PHACTR1: variants seen among roughly 807,000 people sequenced by gnomAD.
PHACTR1 encodes the protein phosphatase and actin regulator 1.
A neutral mutation model predicts 69.2 loss-of-function variants in PHACTR1; 16 were observed. The observed-to-expected ratio is 0.23, with a 90% CI of 0.16 to 0.35. The LOEUF (loss-of-function observed/expected upper bound fraction) is 0.35, where lower values mean the gene tolerates loss of function less well. Among genes scored for constraint, PHACTR1 ranks in the 10% least tolerant of loss-of-function variants. The pLI, the probability that PHACTR1 is intolerant of heterozygous loss-of-function variation, is 1.00. For missense variants in PHACTR1, 510 were observed against 734.7 expected (o/e 0.69, Z 3.54); for synonymous variants, 312 against 284.5 (o/e 1.10, Z -0.97).
At chr6:13,188,014 A>C (rs151211001) in intron 7 of PHACTR1, among the ~76,000 whole-genome samples, 1 of 152,340 alleles carries the variant, frequency 6.6e-6, no homozygotes, top group Non-Finnish European at 1.5e-5. Context: ...GGTTCTTTAC[A>C]TATGAGAGAC....
rs544099755 is a variant in PHACTR1, at chr6:12,851,908, C to T, written c.250+102118C>T. On this transcript the variant is annotated intron_variant, in intron 4 of 14. Coordinates refer to ENST00000332995, the MANE Select transcript of PHACTR1 (RefSeq NM_030948.6). ...GGAGTGCAGTGGTGTGATTTCAGCT[C>T]ATTGCAACCTCCACCTCCTGGGTTC... Among the ~76,000 whole-genome samples, 7 of 152,216 alleles carry T rather than the reference C, an allele frequency of 4.6e-5. No homozygotes were observed. The South Asian group carries it at 1.4e-3, about 32-fold the overall frequency.
At chr6:13,252,281 T>C (rs1178221596) in intron 10 of PHACTR1, among the ~76,000 whole-genome samples, 1 of 138,272 alleles carries the variant, frequency 7.2e-6, no homozygotes, top group Non-Finnish European at 1.5e-5. Flanking sequence ...TGAATCAAGA[T>C]CGTGCCACTG....
chr6:12,808,766 T>TCTTCTCCTTCTCCTTCTC (rs3036464), intron 4 of PHACTR1, among the ~76,000 whole-genome samples: 1 of 150,714 alleles, frequency 6.6e-6, no homozygotes, highest in East Asian at 1.9e-4. Context: ...CTCTTCTTCT[T>TCTTCTCCTTCTCCTTCTC]CTTCTCCTTC....
chr6:13,023,203 G>A (rs948818541), intron 4 of PHACTR1, among the ~76,000 whole-genome samples: 3 of 152,066 alleles, frequency 2.0e-5, no homozygotes, highest in African/African-American at 7.2e-5. Context: ...ATACTCAGAG[G>A]CACAGGTTTA....
rs116722045 is a variant in PHACTR1 at position 12,921,643 on chromosome 6, G to A, written c.251-131722G>A. The stretch of plus-strand genomic sequence containing the variant: ...AAGGGAGGAAGGAGAGGGAGGGAGG[G>A]AGGGAAGAAGGAAGGGAGGGAGGAG... On this transcript the variant is annotated intron_variant, in intron 4 of 14. Transcript: ENST00000332995. 3.7e-3 allele frequency among the ~76,000 whole-genome samples: 398 copies of A among 108,980 alleles called. 2 individuals carry two copies. The highest frequency in any genetic ancestry group is 0.013 in the African/African-American group (382 of 28,754). 71.5% of individuals were successfully genotyped at this position (108,980 alleles called of 152,430 possible). A position where few individuals can be genotyped will look rare whatever the true frequency, so the allele number is the denominator to read the frequency against.
At chr6:12,889,476 G>C (rs1033940341) in intron 4 of PHACTR1, among the ~76,000 whole-genome samples, 9 of 152,228 alleles carry the variant, frequency 5.9e-5, no homozygotes, top group Non-Finnish European at 1.0e-4. Flanking sequence ...GGAATGTATA[G>C]GCTTGGAAAG....
intron 5 of PHACTR1, among the ~76,000 whole-genome samples, chr6:13,071,997 A>G (rs1809610274): frequency 6.6e-6 from 1 of 152,256 alleles, no homozygotes; most frequent in Non-Finnish European, 1.5e-5. Context: ...ATATGAAAAA[A>G]AGGTTATACA....
At chr6:12,962,508 G>A (rs561474283) in intron 4 of PHACTR1, among the ~76,000 whole-genome samples, 2 of 152,152 alleles carry the variant, frequency 1.3e-5, no homozygotes, top group East Asian at 1.9e-4. Flanking sequence ...GAAGAAAATG[G>A]TATCACCAAA....
chr6:13,146,359 A>G (rs1401147684), intron 5 of PHACTR1, among the ~76,000 whole-genome samples: 1 of 152,232 alleles, frequency 6.6e-6, no homozygotes, highest in Non-Finnish European at 1.5e-5. Context: ...ATGATTTTTT[A>G]AATTTTGGTT....
At chr6:13,090,137 C>T (rs1813003767) in intron 5 of PHACTR1, among the ~76,000 whole-genome samples, 1 of 152,156 alleles carries the variant, frequency 6.6e-6, no homozygotes, top group Non-Finnish European at 1.5e-5. Context: ...TCACTGCAAC[C>T]TCCGCCTCCT....
At chr6:13,111,876 T>C (rs1005283869) in intron 5 of PHACTR1, among the ~76,000 whole-genome samples, 1 of 152,190 alleles carries the variant, frequency 6.6e-6, no homozygotes, top group African/African-American at 2.4e-5. Flanking sequence ...CTAAGTGCCT[T>C]CATTTTTTTT....
intron 4 of PHACTR1, among the ~76,000 whole-genome samples, chr6:12,791,698 C>G (rs1226106287): frequency 6.6e-6 from 1 of 152,154 alleles, no homozygotes; most frequent in Non-Finnish European, 1.5e-5. Context: ...TATATGAGAC[C>G]ATGAATGACT....
intron 4 of PHACTR1, among the ~76,000 whole-genome samples, chr6:13,013,368 C>A (rs962028827): frequency 6.6e-6 from 1 of 152,218 alleles, no homozygotes; most frequent in East Asian, 1.9e-4. Context: ...TTGGACCCGC[C>A]GGAGAGGGTA....
intron 4 of PHACTR1, among the ~76,000 whole-genome samples, chr6:12,876,709 A>G (rs1782557673): frequency 1.3e-5 from 2 of 152,250 alleles, no homozygotes; most frequent in African/African-American, 2.4e-5. Flanking sequence ...ATATTAGTCA[A>G]AGTTCTCCAG....
At chr6:12,846,150 C>T (rs1375110384) in intron 4 of PHACTR1, among the ~76,000 whole-genome samples, 2 of 152,304 alleles carry the variant, frequency 1.3e-5, no homozygotes, top group Admixed American at 6.5e-5. Context: ...GGAAGGATGA[C>T]TTTAGCCACA....
chr6:13,037,785 A>G (rs1803531851), intron 4 of PHACTR1, among the ~76,000 whole-genome samples: 1 of 152,226 alleles, frequency 6.6e-6, no homozygotes. Context: ...CTTGAGGGCA[A>G]GTAACAAAAG....
rs571347085 is a variant in PHACTR1, at chr6:13,202,391, G to A, written c.665-3424G>A. ...CACCTACTTGCCTTAGAGAATCAGAGTCTTCAAATGAAGGACTATGGGTTA... is the reference window on the plus strand; with the variant it reads ...CACCTACTTGCCTTAGAGAATCAGAATCTTCAAATGAAGGACTATGGGTTA... On this transcript the variant is annotated intron_variant, in intron 7 of 14. Transcript: ENST00000332995. 5.9e-5 allele frequency among the ~76,000 whole-genome samples: 9 copies of A among 151,714 alleles called. No homozygotes were observed. In the South Asian group the frequency reaches 1.7e-3, roughly 28 times the overall value.
chr6:13,156,341 T>C (rs1758169326), intron 5 of PHACTR1, among the ~76,000 whole-genome samples: 2 of 152,228 alleles, frequency 1.3e-5, no homozygotes, highest in African/African-American at 2.4e-5. Flanking sequence ...TCACTTTAAC[T>C]TGGAAATTGG....
At chr6:12,723,637 A>G (rs529743617) in intron 3 of PHACTR1, among the ~76,000 whole-genome samples, 178 of 152,180 alleles carry the variant, frequency 1.2e-3, no homozygotes, top group Non-Finnish European at 2.4e-3. Context: ...CTGTAGGCAC[A>G]TGCCACCATG....
Sources: gnomAD v4.1 joint callset for allele counts (sites outside exome capture counted in the v4.1 genomes callset) on GRCh38, gnomAD v4.1.1 for gene constraint, MANE v1.5 for transcripts, NCBI Gene and HGNC (gene_info 2026-07-23, HGNC 2026-07-21) for gene names.